Variants in AIPL1 observed in about 807,000 individuals in gnomAD.
AIPL1 encodes aryl-hydrocarbon-interacting protein-like 1.
AIPL1 carries 23 observed loss-of-function variants against 32.9 expected under a neutral mutation model. That is an observed-to-expected ratio of 0.70 (90% CI 0.50 to 0.99). The LOEUF is 0.99. AIPL1 is among the 50% of genes least tolerant of loss of function. The probability of loss-of-function intolerance (pLI) is 0.00; values close to 1 mark genes in which losing one functional copy is unlikely to be tolerated. For missense variants in AIPL1, 485 were observed against 506.0 expected (o/e 0.96, Z 0.40); for synonymous variants, 210 against 209.4 (o/e 1.00, Z -0.02).
At chr17:6,426,316 C>G (rs1911946978) in intron 5 of AIPL1, 1 of 1,374,322 alleles carries the variant, frequency 7.3e-7, no homozygotes, top group Admixed American at 3.0e-5. Context: ...TAATATTTTT[C>G]CCTATATTGA....
At position 6,427,296 on chromosome 17, in the gene AIPL1, G is replaced by T. The variant is rs116219199; in HGVS notation, c.466-239C>A. Among the ~76,000 whole-genome samples the T allele has an allele frequency of 5.8e-3, 888 of 152,288 alleles. 10 individuals carry two copies. Among genetic ancestry groups the T allele is most frequent in the African/African-American group, 0.02 (838 of 41,564 alleles). ...CTTCACTTCTAATATTCAGAAAATT[G>T]TCACGAATACTCGTTTTGTTAGAAC... On this transcript the variant is annotated intron_variant, in intron 3 of 5. Transcript: ENST00000381129.
At chr17:6,429,822 AGG>A (rs1157532010) in intron 2 of AIPL1, among the ~76,000 whole-genome samples, 543 of 44,190 alleles carry the variant, frequency 0.012, 3 homozygotes, top group Middle Eastern at 0.071. Context: ...GTAGGTAGGT[AGG>A]TAGATAGATA....
intron 2 of AIPL1, among the ~76,000 whole-genome samples, chr17:6,429,157 G>T (rs1912302575): frequency 6.6e-6 from 1 of 152,244 alleles, no homozygotes; most frequent in South Asian, 2.1e-4. Flanking sequence ...TGGGAGCTGA[G>T]TTTGCCACCC....
At position 6,432,008 on chromosome 17, in the gene AIPL1, G is replaced by A. The variant is rs541324396; in HGVS notation, c.276+1911C>T. ...GCATGTTAGACAATTCCATGGCGAA[G>A]GAACCAGGAAAATCAGAATGTGGGA... On this transcript the variant is annotated intron_variant, in intron 2 of 5. Coordinates refer to ENST00000381129, the MANE Select transcript of AIPL1 (RefSeq NM_014336.5). Among the ~76,000 whole-genome samples, 4 of 152,324 alleles carry A rather than the reference G, an allele frequency of 2.6e-5. No homozygotes were observed. In the South Asian group the frequency reaches 8.3e-4, roughly 32 times the overall value.
chr17:6,426,060 C>T, intron 5 of AIPL1: 1 of 1,153,308 alleles, frequency 8.7e-7, no homozygotes, highest in Non-Finnish European at 1.2e-6. Context: ...ATATTCATAA[C>T]TTTGTTTTAT....
Position 6,426,149 on chromosome 17 carries a change from T to C in AIPL1, c.785-319A>G, listed in dbSNP as rs1011996583. 3.0e-5 allele frequency: 40 copies of C among 1,312,370 alleles called. No homozygotes were observed. In the African/African-American group the frequency reaches 5.5e-4, roughly 18 times the overall value. The allele number at this position is 1,312,370 out of a possible 1,614,324, so 81.3% of individuals were successfully genotyped here. A position where few individuals can be genotyped will look rare whatever the true frequency, so the allele number is the denominator to read the frequency against. On this transcript the variant is annotated intron_variant, in intron 5 of 5. Transcript: ENST00000381129. ...CTCCCTCATATGGTGATTATGAGGATTATGAGGATTAAATGAGATAATAAA... is the reference window on the plus strand; with the variant it reads ...CTCCCTCATATGGTGATTATGAGGACTATGAGGATTAAATGAGATAATAAA...
chr17:6,426,574 C>T lies in AIPL1; in HGVS notation c.784+41G>A, dbSNP rs1454869844. ...TGGCAGGTGTCTCCGTGGCCCTGGG[C>T]TGGGCGCCCCCTCACTGTCCGCCCC... On this transcript the variant is annotated intron_variant, in intron 5 of 5. Transcript: ENST00000381129. The T allele has an allele frequency of 1.9e-6, 3 of 1,602,410 alleles. No individual in the cohort carries two copies. In the East Asian group the frequency reaches 6.7e-5, roughly 36 times the overall value.
chr17:6,428,937 C>T (rs988143894), intron 2 of AIPL1, among the ~76,000 whole-genome samples: 2 of 152,170 alleles, frequency 1.3e-5, no homozygotes, highest in Admixed American at 6.5e-5. Flanking sequence ...GCAGGAAGGG[C>T]AGTGTGGGGC....
intron 2 of AIPL1, among the ~76,000 whole-genome samples, chr17:6,431,204 G>T (rs2150686877): frequency 6.6e-6 from 1 of 152,180 alleles, no homozygotes; most frequent in Non-Finnish European, 1.5e-5. Flanking sequence ...CCAACACTTT[G>T]GGAGGCCGAG....
chr17:6,429,159 T>G (rs1597332619), intron 2 of AIPL1, among the ~76,000 whole-genome samples: 1 of 152,200 alleles, frequency 6.6e-6, no homozygotes, highest in Non-Finnish European at 1.5e-5. Context: ...GGAGCTGAGT[T>G]TGCCACCCTT....
chr17:6,426,613 A>T lies in AIPL1; in HGVS notation c.784+2T>A. On this transcript the variant is annotated splice_donor_variant, in intron 5 of 5. Transcript: ENST00000381129. LOFTEE classifies it high-confidence loss of function. Reference sequence around the variant, plus strand: ...ACTGTCCGCCCCTGCAGCCCCGCGCACCTGGGTGGTGCCGGAGAATATCAC... The same window carrying T: ...ACTGTCCGCCCCTGCAGCCCCGCGCTCCTGGGTGGTGCCGGAGAATATCAC... 1.2e-6 allele frequency: 2 copies of T among 1,613,774 alleles called. No homozygotes were observed. Among genetic ancestry groups the T allele is most frequent in the Non-Finnish European group, 1.7e-6 (2 of 1,179,968 alleles).
chr17:6,425,314 T>G lies in AIPL1; in HGVS notation c.*146A>C, dbSNP rs898046851. 64 of 1,081,328 alleles carry G rather than the reference T, an allele frequency of 5.9e-5. No individual in the cohort carries two copies. Among genetic ancestry groups the G allele is most frequent in the Middle Eastern group, 6.3e-4 (2 of 3,166 alleles). 67.0% of individuals were successfully genotyped at this position (1,081,328 alleles called of 1,614,324 possible). A position where few individuals can be genotyped will look rare whatever the true frequency, so the allele number is the denominator to read the frequency against. ...TTCTGTACCCTTGGGATTGTTTTTT[T>G]TTTTTTTTTTACCATGGGTGTGTCT... On this transcript the variant is annotated 3_prime_UTR_variant, in exon 6 of 6. Transcript: ENST00000381129.
Position 6,430,957 on chromosome 17 carries a change from T to G in AIPL1, c.277-2451A>C, listed in dbSNP as rs567992138. Among the ~76,000 whole-genome samples, 61 of 151,870 alleles carry G rather than the reference T, an allele frequency of 4.0e-4. 1 individual carries two copies. The highest frequency in any genetic ancestry group is 1.0e-3 in the Admixed American group (16 of 15,300). On this transcript the variant is annotated intron_variant, in intron 2 of 5. Coordinates refer to ENST00000381129, the MANE Select transcript of AIPL1 (RefSeq NM_014336.5). ...ATGAATGAATAAATGGATAACATGT[T>G]GAGTGGGATCACCTACTGGCAGAGG...
In AIPL1 at chr17:6,434,030, C is replaced by T. The variant is rs767776675; in HGVS notation, c.165G>A (p.Val55=). ...CGATGATGATGTGCATGGGCTGGCC[C>T]ACCTGCCGACTGTCGTCAATGACTG... ...ERTVIDDSRQ[V]GQPMHIIIGN... Residue 55 remains valine (V), a synonymous_variant, in exon 2 of 6, where the codon GTG becomes GTA. Coordinates refer to ENST00000381129, the MANE Select transcript of AIPL1 (RefSeq NM_014336.5). The T allele has an allele frequency of 1.9e-6, 3 of 1,614,130 alleles. No homozygotes were observed. Among genetic ancestry groups the T allele is most frequent in the South Asian group, 1.1e-5 (1 of 91,062 alleles).
Position 6,425,592 on chromosome 17 carries a change from C to T in AIPL1, c.1023G>A (p.Glu341=). The T allele has an allele frequency of 6.2e-7, 1 of 1,613,340 alleles. No individual in the cohort carries two copies. Among genetic ancestry groups the T allele is most frequent in the Non-Finnish European group, 8.5e-7 (1 of 1,179,794 alleles). ...ATQPPAEPPT[E]PPAQSSTEPP... is the part of the protein sequence containing the mutation. ...GCTCTGTGGATGACTGTGCGGGTGGCTCTGTGGGTGGCTCTGCGGGAGGCT... is the reference window on the plus strand; with the variant it reads ...GCTCTGTGGATGACTGTGCGGGTGGTTCTGTGGGTGGCTCTGCGGGAGGCT... The change falls in exon 6 of 6, where the codon GAG becomes GAA. Residue 341 remains glutamate (E), a synonymous_variant. Transcript: ENST00000381129.
At chr17:6,430,678 C>G (rs1410646288) in intron 2 of AIPL1, among the ~76,000 whole-genome samples, 1 of 152,142 alleles carries the variant, frequency 6.6e-6, no homozygotes, top group Non-Finnish European at 1.5e-5. Context: ...CATGTGTTAG[C>G]AAACGTGTAT....
chr17:6,428,729 C>T (rs557199859), intron 2 of AIPL1, among the ~76,000 whole-genome samples: 5 of 152,334 alleles, frequency 3.3e-5, no homozygotes, highest in South Asian at 2.1e-4. Flanking sequence ...CCCCATTTTA[C>T]GGATGGGGAA....
Position 6,426,906 on chromosome 17 carries a change from A to G in AIPL1, c.617T>C (p.Ile206Thr). The change falls in exon 4 of 6, where the codon ATC becomes ACC. Residue 206 changes from isoleucine to threonine, a missense_variant. Physicochemically the swap from Ile to Thr is moderately conservative, Grantham distance 89 (BLOSUM62 -1). Transcript: ENST00000381129. Reference protein sequence around the residue: ...EASSKYQEAIICLRNLQTKEK... With the variant: ...EASSKYQEAITCLRNLQTKEK... ...CTTGGTCTGCAGGTTCCTTAGGCAGATGATGGCCTCCTGGTACTTGGAAGA... is the reference window on the plus strand; with the variant it reads ...CTTGGTCTGCAGGTTCCTTAGGCAGGTGATGGCCTCCTGGTACTTGGAAGA... 6.2e-7 allele frequency: 1 copy of G among 1,614,188 alleles called. No homozygotes were observed. Among genetic ancestry groups the G allele is most frequent in the Non-Finnish European group, 8.5e-7 (1 of 1,180,030 alleles).
At position 6,434,033 on chromosome 17, in the gene AIPL1, C is replaced by A; in HGVS notation, c.162G>T (p.Gln54His). 6.2e-7 allele frequency: 1 copy of A among 1,614,178 alleles called. No individual in the cohort carries two copies. The highest frequency in any genetic ancestry group is 8.5e-7 in the Non-Finnish European group (1 of 1,180,030). ...EERTVIDDSR[Q>H]VGQPMHIIIG... ...TGATGATGTGCATGGGCTGGCCCACCTGCCGACTGTCGTCAATGACTGTCC... is the reference window on the plus strand; with the variant it reads ...TGATGATGTGCATGGGCTGGCCCACATGCCGACTGTCGTCAATGACTGTCC... Residue 54 changes from glutamine (Q) to histidine (H), a missense_variant, in exon 2 of 6, where the codon CAG (glutamine) becomes CAT (histidine). Physicochemically the swap from Gln to His is conservative, Grantham distance 24. Coordinates refer to ENST00000381129, the MANE Select transcript of AIPL1 (RefSeq NM_014336.5).
Sources: allele counts gnomAD v4.1 joint callset (sites outside exome capture counted in the v4.1 genomes callset), GRCh38; gene constraint gnomAD v4.1.1; transcripts MANE v1.5; gene names NCBI Gene and HGNC (gene_info 2026-07-23, HGNC 2026-07-21).